EFHB: variants seen among roughly 807,000 people sequenced by gnomAD.
EFHB encodes the protein EF-hand domain-containing family member B.
A neutral mutation model predicts 87.2 loss-of-function variants in EFHB; 91 were observed. That is an observed-to-expected ratio of 1.04 (90% CI 0.88 to 1.24). The LOEUF (loss-of-function observed/expected upper bound fraction) is 1.24, where lower values mean the gene tolerates loss of function less well. EFHB is among the 50% of genes most tolerant of loss of function. The pLI is 0.00. For missense variants in EFHB, 1,084 were observed against 998.8 expected (o/e 1.09, Z -1.15); for synonymous variants, 325 against 333.6 (o/e 0.97, Z 0.28).
At chr3:19,935,003 T>C (rs1559477674), upstream of EFHB, among the ~76,000 whole-genome samples, 1 of 152,000 alleles carries the variant, frequency 6.6e-6, no homozygotes, top group Non-Finnish European at 1.5e-5. Flanking sequence ...CTCCGCCTCC[T>C]GGGTCCAAGC....
intron 10 of EFHB, among the ~76,000 whole-genome samples, chr3:19,886,498 T>C (rs769948061): frequency 1.3e-5 from 2 of 151,734 alleles, no homozygotes; most frequent in African/African-American, 4.8e-5. Flanking sequence ...AATCCCAGCA[T>C]ATTGGGAGTC....
intron 1 of EFHB, among the ~76,000 whole-genome samples, chr3:19,921,720 G>A (rs1695443497): frequency 6.6e-6 from 1 of 152,142 alleles, no homozygotes; most frequent in Admixed American, 6.5e-5. Context: ...TGTGTTCTGT[G>A]TTCTAACCTG....
chr3:19,936,683 C>T (rs892358907), upstream of EFHB, among the ~76,000 whole-genome samples: 1 of 152,056 alleles, frequency 6.6e-6, no homozygotes, highest in African/African-American at 2.4e-5. Flanking sequence ...GCCTGACCAA[C>T]ATGGTGAAAC....
intron 1 of EFHB, chr3:19,943,063 G>A: frequency 3.1e-6 from 1 of 324,680 alleles, no homozygotes; most frequent in South Asian, 3.4e-5. Context: ...TATCAGACTG[G>A]ACAACAGCAT....
intron 9 of EFHB, chr3:19,894,354 A>G (rs749101389): frequency 1.6e-4 from 25 of 152,192 alleles, no homozygotes; most frequent in Non-Finnish European, 3.5e-4. Context: ...CTAGCACACT[A>G]CTGCTACCCA....
At chr3:19,930,235 CAAAAT>C (rs1695784646) in intron 1 of EFHB, among the ~76,000 whole-genome samples, 3 of 152,228 alleles carry the variant, frequency 2.0e-5, no homozygotes, top group African/African-American at 7.2e-5. Context: ...GTGTTATAAT[CAAAAT>C]AAATATTTTA....
chr3:19,888,118 G>T (rs1305380137), intron 10 of EFHB, among the ~76,000 whole-genome samples: 3 of 152,018 alleles, frequency 2.0e-5, no homozygotes, highest in Non-Finnish European at 2.9e-5. Context: ...GATATTCCAT[G>T]CATAAACAAG....
chr3:19,941,814 G>A (rs558904126), intron 1 of EFHB, among the ~76,000 whole-genome samples: 59 of 139,912 alleles, frequency 4.2e-4, no homozygotes, highest in African/African-American at 1.4e-3. Flanking sequence ...CCAAGATTGC[G>A]CCACTGCACT....
Position 19,896,580 on chromosome 3 carries a change from G to A in EFHB, c.1725+107C>T, listed in dbSNP as rs534605813. 2.1e-6 allele frequency: 3 copies of A among 1,410,272 alleles called. No homozygotes were observed. In the African/African-American group the frequency reaches 4.2e-5, roughly 20 times the overall value. The allele number at this position is 1,410,272 out of a possible 1,614,324, so 87.4% of individuals were successfully genotyped here. On this transcript the variant is annotated intron_variant, in intron 9 of 12. Coordinates refer to ENST00000295824, the MANE Select transcript of EFHB (RefSeq NM_144715.4). ...AACTTTACTGACACAAACAAACAGTGGGCTGGATTTGGCCCACAGGCTATA... is the reference window on the plus strand; with the variant it reads ...AACTTTACTGACACAAACAAACAGTAGGCTGGATTTGGCCCACAGGCTATA...
intron 5 of EFHB, among the ~76,000 whole-genome samples, chr3:19,912,382 TAAAG>T (rs1206742183): frequency 6.6e-6 from 1 of 151,890 alleles, no homozygotes. Context: ...GATGAAGAAA[TAAAG>T]ACTCTCACAG....
intron 1 of EFHB, chr3:19,940,774 C>A: frequency 2.8e-6 from 1 of 354,218 alleles, no homozygotes; most frequent in Non-Finnish European, 5.6e-6. Context: ...TGAGGAACAC[C>A]TTGGAGTGCC....
chr3:19,946,708 A>G (rs536286706), intron 1 of EFHB, among the ~76,000 whole-genome samples: 1 of 152,128 alleles, frequency 6.6e-6, no homozygotes, highest in African/African-American at 2.4e-5. Context: ...TCCCTCTAAT[A>G]AAGCCCCTTA....
chr3:19,931,956 T>A (rs1159536739), intron 1 of EFHB, among the ~76,000 whole-genome samples: 1 of 152,196 alleles, frequency 6.6e-6, no homozygotes, highest in East Asian at 1.9e-4. Context: ...GGGGCATCAA[T>A]TGTCTCATAT....
intron 1 of EFHB, among the ~76,000 whole-genome samples, chr3:19,928,905 T>C (rs114875615): frequency 0.012 from 1,794 of 151,772 alleles, 31 homozygotes; most frequent in African/African-American, 0.041. Flanking sequence ...AAAATAGTCA[T>C]TAAAAAAGGA....
Position 19,882,749 on chromosome 3 carries a change from G to A in EFHB, c.2147-18C>T. On this transcript the variant is annotated intron_variant, in intron 11 of 12. Coordinates refer to ENST00000295824, the MANE Select transcript of EFHB (RefSeq NM_144715.4). ...GGGGTAACCTAGGTCATTGATGAGG[G>A]AAGAAAACAGACATTCTAAAACAAA... 2 of 1,602,368 alleles carry A rather than the reference G, an allele frequency of 1.2e-6. No homozygotes were observed. The highest frequency in any genetic ancestry group is 1.7e-6 in the Non-Finnish European group (2 of 1,172,602).
intron 12 of EFHB, among the ~76,000 whole-genome samples, chr3:19,881,238 G>T (rs1163417616): frequency 3.3e-5 from 5 of 152,174 alleles, no homozygotes; most frequent in African/African-American, 1.2e-4. Flanking sequence ...GTTTGAGTCA[G>T]TCTTGAGCAT....
chr3:19,898,749 T>C, intron 8 of EFHB, 29 bp downstream of exon 8: 1 of 1,609,360 alleles, frequency 6.2e-7, no homozygotes, highest in Non-Finnish European at 8.5e-7. Flanking sequence ...TTGTTTGGGG[T>C]TTTTTACGGA....
chr3:19,904,839 G>A (rs907943721), intron 6 of EFHB, among the ~76,000 whole-genome samples: 1 of 152,094 alleles, frequency 6.6e-6, no homozygotes, highest in African/African-American at 2.4e-5. Context: ...TATTTACAAC[G>A]TTCAAACCAT....
At chr3:19,938,784 A>AATTTTT (rs1696080310), upstream of EFHB, among the ~76,000 whole-genome samples, 1 of 152,196 alleles carries the variant, frequency 6.6e-6, no homozygotes, top group Admixed American at 6.5e-5. Flanking sequence ...TCCGTGATCC[A>AATTTTT]GTCTCTGCCA....
Sources: allele counts gnomAD v4.1 joint callset (sites outside exome capture counted in the v4.1 genomes callset), GRCh38; gene constraint gnomAD v4.1.1; transcripts MANE v1.5; gene names NCBI Gene and HGNC (gene_info 2026-07-23, HGNC 2026-07-21).